TBC1D1: variants seen among roughly 807,000 people sequenced by gnomAD.
TBC1D1 encodes the protein TBC1 domain family member 1.
A neutral mutation model predicts 125.6 loss-of-function variants in TBC1D1; 89 were observed. The observed-to-expected ratio is 0.71, with a 90% CI of 0.60 to 0.85. The LOEUF (loss-of-function observed/expected upper bound fraction) is 0.85, where lower values mean the gene tolerates loss of function less well. TBC1D1 is among the 40% of genes least tolerant of loss of function. TBC1D1 has a pLI of 0.00. For missense variants in TBC1D1, 1,377 were observed against 1,469.2 expected (o/e 0.94, Z 1.03); for synonymous variants, 565 against 564.1 (o/e 1.00, Z -0.02).
intron 19 of TBC1D1, among the ~76,000 whole-genome samples, chr4:38,136,211 G>A (rs939731537): frequency 6.6e-6 from 1 of 152,064 alleles, no homozygotes; most frequent in African/African-American, 2.4e-5. Flanking sequence ...GAGAGACGAG[G>A]GACAGTTGCT....
At chr4:38,048,234 G>C (rs1055230599) in intron 10 of TBC1D1, among the ~76,000 whole-genome samples, 2 of 152,132 alleles carry the variant, frequency 1.3e-5, no homozygotes, top group Non-Finnish European at 2.9e-5. Context: ...AAATAGCCCT[G>C]AAACTTGACA....
intron 1 of TBC1D1, among the ~76,000 whole-genome samples, chr4:37,892,715 G>A (rs1713618967): frequency 6.6e-6 from 1 of 152,122 alleles, no homozygotes; most frequent in Non-Finnish European, 1.5e-5. Context: ...GAGAGTGCTG[G>A]GGCTTCCCCT....
chr4:38,060,379 C>T (rs139627056), intron 12 of TBC1D1, among the ~76,000 whole-genome samples: 2,008 of 152,346 alleles, frequency 0.013, 16 homozygotes, highest in Non-Finnish European at 0.02. Flanking sequence ...GCAACCTCAC[C>T]AGCATCTGTT....
chr4:37,983,679 A>C (rs1734858698), intron 2 of TBC1D1, among the ~76,000 whole-genome samples: 1 of 152,184 alleles, frequency 6.6e-6, no homozygotes, highest in South Asian at 2.1e-4. Flanking sequence ...GGACACATGC[A>C]CAGCATCCCC....
At chr4:38,050,593 TA>T (rs1750334320) in intron 11 of TBC1D1, among the ~76,000 whole-genome samples, 1 of 152,218 alleles carries the variant, frequency 6.6e-6, no homozygotes, top group South Asian at 2.1e-4. Flanking sequence ...CCAGAGACTA[TA>T]AATGGACACA....
At chr4:38,097,879 A>G (rs1374119440) in intron 14 of TBC1D1, among the ~76,000 whole-genome samples, 2 of 152,188 alleles carry the variant, frequency 1.3e-5, no homozygotes, top group African/African-American at 4.8e-5. Flanking sequence ...TTTGACATCA[A>G]TTTTAGTAAT....
intron 1 of TBC1D1, among the ~76,000 whole-genome samples, chr4:37,895,661 G>A (rs912830334): frequency 5.3e-5 from 8 of 152,122 alleles, no homozygotes; most frequent in South Asian, 2.1e-4. Context: ...CTGAGATCAC[G>A]CCACTGCACT....
intron 2 of TBC1D1, among the ~76,000 whole-genome samples, chr4:37,978,898 C>CA (rs773310356): frequency 6.6e-6 from 1 of 152,140 alleles, no homozygotes; most frequent in Non-Finnish European, 1.5e-5. Flanking sequence ...ATTTTTGAGA[C>CA]AGAGTCTTAC....
chr4:38,052,722 GCGCGCGCACACACA>G (rs1322567080), intron 11 of TBC1D1, among the ~76,000 whole-genome samples: 1 of 59,368 alleles, frequency 1.7e-5, no homozygotes, highest in African/African-American at 6.6e-5. Flanking sequence ...ACGCGCGCGC[GCGCGCGCACACACA>G]CACACACACA....
At chr4:38,115,086 GTTTTCTT>G (rs1374323941) in intron 15 of TBC1D1, among the ~76,000 whole-genome samples, 1 of 135,424 alleles carries the variant, frequency 7.4e-6, no homozygotes, top group Non-Finnish European at 1.6e-5. Context: ...AGGATTAACA[GTTTTCTT>G]TTTTCTTTTT....
chr4:38,058,778 A>G (rs747171593), intron 12 of TBC1D1, among the ~76,000 whole-genome samples: 13 of 152,176 alleles, frequency 8.5e-5, no homozygotes, highest in Admixed American at 2.6e-4. Context: ...GGTGTTTGCA[A>G]TAGTGATAAT....
Position 38,014,373 on chromosome 4 carries a change from C to T in TBC1D1, c.418-136C>T, listed in dbSNP as rs1742160905. Reference sequence around the variant, plus strand: ...ATTCCTAGTCCCCTCCCGTGGGCTCCTCCTCCAGTGGGCTCCTCCTCCAGT... The same window carrying T: ...ATTCCTAGTCCCCTCCCGTGGGCTCTTCCTCCAGTGGGCTCCTCCTCCAGT... On this transcript the variant is annotated intron_variant, in intron 2 of 19. Coordinates refer to ENST00000261439, the MANE Select transcript of TBC1D1 (RefSeq NM_015173.4). This position sits in a 1 kb window ranked among gnomAD's most constrained non-coding sequence, Gnocchi z 5.1. The T allele has an allele frequency of 5.2e-6, 4 of 770,880 alleles. No homozygotes were observed. The Admixed American group carries it at 7.7e-5, about 15-fold the overall frequency. 47.8% of individuals were successfully genotyped at this position (770,880 alleles called of 1,614,324 possible).
chr4:38,120,472 G>A (rs79771115), intron 17 of TBC1D1, among the ~76,000 whole-genome samples: 37 of 152,346 alleles, frequency 2.4e-4, no homozygotes, highest in African/African-American at 8.9e-4. Context: ...CTGCCATTCA[G>A]TCACTATAGT....
intron 2 of TBC1D1, among the ~76,000 whole-genome samples, chr4:38,013,691 T>G (rs1742001714): frequency 6.6e-6 from 1 of 152,242 alleles, no homozygotes; most frequent in African/African-American, 2.4e-5. Flanking sequence ...TCTCAGAGGT[T>G]AATGATGAGA....
At chr4:37,964,406 G>A (rs1352249905) in intron 2 of TBC1D1, among the ~76,000 whole-genome samples, 2 of 152,154 alleles carry the variant, frequency 1.3e-5, no homozygotes, top group Non-Finnish European at 2.9e-5. Flanking sequence ...CATCCAACTC[G>A]AGACTCAGGA....
intron 17 of TBC1D1, chr4:38,120,228 A>T (rs936726738): frequency 3.2e-6 from 2 of 626,578 alleles, no homozygotes; most frequent in Non-Finnish European, 4.0e-6. Context: ...TGCTGTGCTA[A>T]GTGGGTCGTT....
chr4:37,902,398 T>C lies in TBC1D1; in HGVS notation c.303T>C (p.Val101=). ...TCTTTGAGTGCAAGCCTCAGCGTGT[T>C]CACAAACTGATTCACAACAGTCATG... Residue 101 remains valine, a synonymous_variant, in exon 2 of 20, where the codon GTT becomes GTC. Coordinates refer to ENST00000261439, the MANE Select transcript of TBC1D1 (RefSeq NM_015173.4). The C allele has an allele frequency of 3.1e-6, 5 of 1,614,188 alleles. No homozygotes were observed. Among genetic ancestry groups the C allele is most frequent in the Non-Finnish European group, 3.4e-6 (4 of 1,180,026 alleles).
intron 2 of TBC1D1, among the ~76,000 whole-genome samples, chr4:37,992,587 C>T (rs1160594280): frequency 1.5e-4 from 22 of 148,158 alleles, no homozygotes; most frequent in African/African-American, 4.5e-4. Flanking sequence ...CTCCGCCTCC[C>T]GGGTTCACGC....
Position 37,995,849 on chromosome 4 carries a change from C to T in TBC1D1, c.418-18660C>T. The T allele has an allele frequency of 1.7e-6, 1 of 574,548 alleles. No homozygotes were observed. The highest frequency in any genetic ancestry group is 1.4e-5 in the South Asian group (1 of 72,298). The allele number at this position is 574,548 out of a possible 1,614,324, so 35.6% of individuals were successfully genotyped here. A position where few individuals can be genotyped will look rare whatever the true frequency, so the allele number is the denominator to read the frequency against. ...GGATCAGGTGCTGGATCCATGTGAT[C>T]ACCAGAATGCATTTCTCTTTGAGAA... On this transcript the variant is annotated intron_variant, in intron 2 of 19. Transcript: ENST00000261439. The surrounding 1 kb of genome is among the most constrained non-coding windows in gnomAD (Gnocchi z 4.3).
Sources: allele counts gnomAD v4.1 joint callset (sites outside exome capture counted in the v4.1 genomes callset), GRCh38; gene constraint gnomAD v4.1.1; non-coding constraint Gnocchi (gnomAD v3.1); transcripts MANE v1.5; gene names NCBI Gene and HGNC (gene_info 2026-07-23, HGNC 2026-07-21).